Variants in MCF2 observed in about 807,000 individuals in gnomAD.
The protein encoded by MCF2 is MCF.2 cell line derived transforming sequence, also known as proto-oncogene DBL.
A neutral mutation model predicts 82.5 loss-of-function variants in MCF2; 44 were observed. That is an observed-to-expected ratio of 0.53 (90% CI 0.42 to 0.69). The LOEUF is 0.69. Ranked by LOEUF, MCF2 falls within the 30% of genes least tolerant of loss-of-function variation. MCF2 has a pLI of 0.00. For synonymous variants in MCF2, 217 were observed against 224.9 expected (o/e 0.96, Z 0.32); for missense variants, 623 against 663.1 (o/e 0.94, Z 0.66).
chrX:139,610,246 C>A (rs1931398838), intron 11 of MCF2, 55 bp downstream of exon 15: 2 of 795,606 alleles, frequency 2.5e-6, no homozygotes, highest in Admixed American at 5.1e-5. Flanking sequence ...AAGGCTCATA[C>A]CAACTCTGCA....
rs187441301 is a variant in MCF2 at position 139,685,346 on chromosome X, C to T, written c.-45+22760G>A. Among the ~76,000 whole-genome samples, 630 of 110,603 alleles carry T rather than the reference C, an allele frequency of 5.7e-3. 8 individuals are homozygous for T. Among genetic ancestry groups the T allele is most frequent in the African/African-American group, 0.018 (554 of 30,441 alleles). On this transcript the variant is annotated intron_variant, in intron 1 of 27. Transcript: ENST00000414978. ...AAAAGAAATCCACAAGCAGACAGCC[C>T]GGCGCCACACCCTGGGCCTGGTAGT...
chrX:139,597,546 G>A, exon 18 of MCF2: 1 of 1,171,540 alleles, frequency 8.5e-7, no homozygotes, highest in Non-Finnish European at 1.2e-6. Context: ...TTCTTCAACA[G>A]AGCAGATCCT....
chrX:139,586,464 C>T (rs780410319), exon 23 of MCF2: 1 of 1,201,078 alleles, frequency 8.3e-7, no homozygotes, highest in East Asian at 3.0e-5. Context: ...TTCCTCAGTA[C>T]TTATAAAAGC....
chrX:139,639,305 T>A (rs983016777), intron 1 of MCF2, among the ~76,000 whole-genome samples: 11 of 112,071 alleles, frequency 9.8e-5, no homozygotes, highest in South Asian at 3.7e-4. Context: ...TTTGCTTTTT[T>A]AAAAAAATAG....
At chrX:139,682,472 T>G (rs1436917262) in intron 1 of MCF2, among the ~76,000 whole-genome samples, 1 of 112,486 alleles carries the variant, frequency 8.9e-6, no homozygotes, top group East Asian at 2.8e-4. Flanking sequence ...AAAGAAGAAC[T>G]ACATACGTGG....
At chrX:139,705,266 C>G (rs1025511375) in intron 1 of MCF2, among the ~76,000 whole-genome samples, 9 of 111,891 alleles carry the variant, frequency 8.0e-5, no homozygotes, top group Non-Finnish European at 1.7e-4. Context: ...GAGCTGAGAT[C>G]ACACCATTGC....
At chrX:139,611,387 T>C (rs1931477716) in intron 10 of MCF2, among the ~76,000 whole-genome samples, 1 of 112,222 alleles carries the variant, frequency 8.9e-6, no homozygotes, top group South Asian at 3.6e-4. Context: ...CAAAATTAAT[T>C]TCTCAATGAA....
At chrX:139,669,651 C>A (rs1403779525) in intron 1 of MCF2, among the ~76,000 whole-genome samples, 1 of 111,888 alleles carries the variant, frequency 8.9e-6, no homozygotes, top group Non-Finnish European at 1.9e-5. Context: ...ACTCAAATAT[C>A]CATTAACTGT....
intron 1 of MCF2, among the ~76,000 whole-genome samples, chrX:139,640,280 T>C (rs1219429197): frequency 1.8e-5 from 2 of 111,974 alleles, no homozygotes; most frequent in East Asian, 5.6e-4. Context: ...TGACAGGCAC[T>C]TGACTTTCAT....
At chrX:139,584,037 T>C (rs1928705351) in intron 24 of MCF2, among the ~76,000 whole-genome samples, 1 of 110,638 alleles carries the variant, frequency 9.0e-6, no homozygotes, top group Non-Finnish European at 1.9e-5. Context: ...ATTATGGTCA[T>C]CATAGTATTA....
intron 19 of MCF2, among the ~76,000 whole-genome samples, chrX:139,594,174 C>T (rs1391946538): frequency 9.2e-6 from 1 of 109,170 alleles, no homozygotes; most frequent in African/African-American, 3.3e-5. Context: ...AGATTCAATG[C>T]CATCCCCATC....
At chrX:139,600,271 G>A (rs1930441648) in intron 16 of MCF2, among the ~76,000 whole-genome samples, 1 of 110,988 alleles carries the variant, frequency 9.0e-6, no homozygotes, top group South Asian at 3.8e-4. Context: ...ACTTTAAAAG[G>A]GCGAACTGAT....
chrX:139,652,059 A>C (rs1211820048), intron 1 of MCF2, among the ~76,000 whole-genome samples: 1 of 111,854 alleles, frequency 8.9e-6, no homozygotes, highest in African/African-American at 3.2e-5. Flanking sequence ...GCCAAGGACA[A>C]AGGCACAAAC....
intron 1 of MCF2, among the ~76,000 whole-genome samples, chrX:139,653,247 C>A (rs1019708989): frequency 2.7e-5 from 3 of 111,653 alleles, no homozygotes; most frequent in African/African-American, 9.8e-5. Context: ...GAGGGTAATG[C>A]AAAAGATACA....
chrX:139,628,246 G>A (rs1932810141), intron 4 of MCF2, among the ~76,000 whole-genome samples: 1 of 111,774 alleles, frequency 8.9e-6, no homozygotes, highest in Non-Finnish European at 1.9e-5. Flanking sequence ...ATGGTGGACT[G>A]TATAAAGAAA....
At chrX:139,676,202 G>A (rs769218129) in intron 1 of MCF2, among the ~76,000 whole-genome samples, 1 of 112,251 alleles carries the variant, frequency 8.9e-6, no homozygotes, top group East Asian at 2.8e-4. Flanking sequence ...GGGCGGGAGT[G>A]TCCCATTTTT....
chrX:139,615,192 A>G (rs1931807755), intron 9 of MCF2, 140 bp from the exon 13 acceptor site: 1 of 499,504 alleles, frequency 2.0e-6, no homozygotes, highest in Admixed American at 3.9e-5. Context: ...AAAAATAACA[A>G]GACAGATTAA....
At chrX:139,645,050 T>C (rs1933755318), upstream of MCF2, among the ~76,000 whole-genome samples, 1 of 110,852 alleles carries the variant, frequency 9.0e-6, no homozygotes, top group East Asian at 2.8e-4. Flanking sequence ...CTTGGGAACC[T>C]GGGGACTAGA....
intron 1 of MCF2, among the ~76,000 whole-genome samples, chrX:139,694,170 G>A (rs1418091026): frequency 9.0e-6 from 1 of 110,856 alleles, no homozygotes; most frequent in Non-Finnish European, 1.9e-5. Context: ...AAAAAAGAAG[G>A]AAATAAATGG....
Sources: gnomAD v4.1 joint callset for allele counts (sites outside exome capture counted in the v4.1 genomes callset) on GRCh38, gnomAD v4.1.1 for gene constraint, MANE v1.5 for transcripts, NCBI Gene and HGNC (gene_info 2026-07-23, HGNC 2026-07-21) for gene names.